MAPKAPK3: variants seen among roughly 807,000 people sequenced by gnomAD.
MAPKAPK3 encodes MAP kinase-activated protein kinase 3.
MAPKAPK3 carries 35 observed loss-of-function variants against 49.2 expected under a neutral mutation model. The observed-to-expected ratio is 0.71, with a 90% CI of 0.54 to 0.94. The LOEUF is 0.94. Among genes scored for constraint, MAPKAPK3 ranks in the 40% least tolerant of loss-of-function variants. The probability of loss-of-function intolerance (pLI) is 0.00; values close to 1 mark genes in which losing one functional copy is unlikely to be tolerated. For missense variants in MAPKAPK3, 398 were observed against 493.1 expected, an observed-to-expected ratio of 0.81 and a Z score of 1.83; for synonymous variants, 178 against 188.7, an observed-to-expected ratio of 0.94 and a Z score of 0.46.
chr3:50,646,411 C>G, intron 8 of MAPKAPK3, 147 bp downstream of exon 8: 1 of 1,125,874 alleles, frequency 8.9e-7, no homozygotes. Flanking sequence ...GTCCCCTAAC[C>G]TTCTTGAGCC....
chr3:50,636,173 C>T (rs2033037564), intron 2 of MAPKAPK3, among the ~76,000 whole-genome samples: 1 of 152,184 alleles, frequency 6.6e-6, no homozygotes, highest in Non-Finnish European at 1.5e-5. Flanking sequence ...TATCCCAGTA[C>T]TGGGACCTAG....
intron 2 of MAPKAPK3, among the ~76,000 whole-genome samples, chr3:50,625,629 A>G: frequency 6.6e-6 from 1 of 151,974 alleles, no homozygotes; most frequent in Non-Finnish European, 1.5e-5. Context: ...TTTTCTTTAG[A>G]CTAGGGCTTT....
intron 10 of MAPKAPK3, among the ~76,000 whole-genome samples, chr3:50,647,559 C>A (rs542096567): frequency 1.6e-4 from 25 of 152,382 alleles, no homozygotes; most frequent in African/African-American, 6.0e-4. Flanking sequence ...AATCTCCAGG[C>A]CCCAGTGCGC....
chr3:50,629,677 C>G lies in MAPKAPK3; in HGVS notation c.220-10689C>G, dbSNP rs1027331627. Among the ~76,000 whole-genome samples the G allele has an allele frequency of 5.9e-5, 9 of 152,188 alleles. No individual in the cohort carries two copies. In the East Asian group the frequency reaches 1.3e-3, roughly 23 times the overall value. ...GTCCCTGGTCTGGGGCACTGGGACC[C>G]TCTAGCACTCACGTTCCCACTGTTC... is the stretch of plus-strand genomic sequence containing the variant. On this transcript the variant is annotated intron_variant, in intron 2 of 10. Transcript: ENST00000621469.
chr3:50,642,318 C>T lies in MAPKAPK3; in HGVS notation c.490C>T (p.His164Tyr), dbSNP rs747984036. The T allele has an allele frequency of 1.9e-6, 3 of 1,612,582 alleles. No individual in the cohort carries two copies. The highest frequency in any genetic ancestry group is 3.3e-5 in the Admixed American group (2 of 60,012). Residue 164 changes from histidine (H) to tyrosine (Y), a missense_variant, in exon 5 of 11, where the codon CAC (histidine) becomes TAC (tyrosine). Coordinates refer to ENST00000621469, the MANE Select transcript of MAPKAPK3 (RefSeq NM_001243925.2). ...IQFLHSHNIA[H>Y]RDVKPENLLY... ...GTTTCTGCACAGCCATAACATTGCC[C>T]ACCGAGATGTCAAGGTGAGGCTCCA...
chr3:50,646,186 TC>T lies in MAPKAPK3; in HGVS notation c.755del (p.Pro252ArgfsTer3), dbSNP rs1203429444. ...CTACTCCAACACGGGCCAGGCCATC[TC>T]CCCGGGGATGAAGAGGAGGATTCGC... ...PFYSNTGQAI[S>X]PGMKRRIRLG... is the part of the protein sequence containing the mutation. On this transcript the variant is annotated frameshift_variant, in exon 8 of 11. Coordinates refer to ENST00000621469, the MANE Select transcript of MAPKAPK3 (RefSeq NM_001243925.2). LOFTEE classifies it high-confidence loss of function. The T allele has an allele frequency of 6.2e-7, 1 of 1,613,904 alleles. No individual in the cohort carries two copies. The highest frequency in any genetic ancestry group is 8.5e-7 in the Non-Finnish European group (1 of 1,180,002).
intron 4 of MAPKAPK3, 147 bp from the exon 5 acceptor site, chr3:50,642,106 C>T: frequency 1.5e-6 from 1 of 658,724 alleles, no homozygotes; most frequent in South Asian, 1.8e-5. Flanking sequence ...GCGTAGACAT[C>T]CCGGGATAGA....
chr3:50,624,048 T>G (rs1427561824), intron 2 of MAPKAPK3, among the ~76,000 whole-genome samples: 1 of 152,216 alleles, frequency 6.6e-6, no homozygotes, highest in Non-Finnish European at 1.5e-5. Context: ...GTGTGCCTTT[T>G]CCCAGGCCTT....
upstream of MAPKAPK3, among the ~76,000 whole-genome samples, chr3:50,616,264 C>A (rs1019395342): frequency 2.6e-5 from 4 of 152,094 alleles, no homozygotes; most frequent in Non-Finnish European, 5.9e-5. Context: ...GCCACAGCCA[C>A]CCTCCCTATG....
At chr3:50,637,225 T>A (rs2033062203) in intron 2 of MAPKAPK3, among the ~76,000 whole-genome samples, 1 of 152,166 alleles carries the variant, frequency 6.6e-6, no homozygotes, top group Non-Finnish European at 1.5e-5. Context: ...TCCCATCCTT[T>A]GTTTGCTCGG....
Position 50,647,954 on chromosome 3 carries a change from G to T in MAPKAPK3, c.1057G>T (p.Asp353Tyr). 1 of 1,614,004 alleles carries T rather than the reference G, an allele frequency of 6.2e-7. No individual in the cohort carries two copies. Among genetic ancestry groups the T allele is most frequent in the South Asian group, 1.1e-5 (1 of 91,084 alleles). ...AGACTACGACCAGGTGAAGATCAAG[G>T]ACCTGAAGACCTCTAACAACCGGCT... ...RVDYDQVKIKDLKTSNNRLLN... is the reference protein window; with the variant it reads ...RVDYDQVKIKYLKTSNNRLLN... The change falls in exon 11 of 11, where the codon GAC (aspartate) becomes TAC (tyrosine). Residue 353 changes from aspartate (D) to tyrosine (Y), a missense_variant. By Grantham distance (160) the Asp-to-Tyr change is radical. Transcript: ENST00000621469.
At chr3:50,644,263 A>T (rs952759697) in intron 5 of MAPKAPK3, 146 bp from the exon 6 acceptor site, 8 of 876,132 alleles carry the variant, frequency 9.1e-6, no homozygotes, top group Non-Finnish European at 1.4e-5. Context: ...GGCCCATGTT[A>T]GTGGGCAAGG....
upstream of MAPKAPK3, among the ~76,000 whole-genome samples, chr3:50,614,714 T>C (rs1300456910): frequency 6.6e-6 from 1 of 152,078 alleles, no homozygotes; most frequent in South Asian, 2.1e-4. Flanking sequence ...CTGCAGGTGG[T>C]TGCTGGAACA....
chr3:50,619,471 C>CT (rs1294812974), intron 2 of MAPKAPK3, among the ~76,000 whole-genome samples: 1 of 152,164 alleles, frequency 6.6e-6, no homozygotes, highest in Non-Finnish European at 1.5e-5. Flanking sequence ...ATGGGATTCT[C>CT]TGAGTCTTTT....
At chr3:50,636,141 T>C (rs1403706132) in intron 2 of MAPKAPK3, among the ~76,000 whole-genome samples, 1 of 152,072 alleles carries the variant, frequency 6.6e-6, no homozygotes, top group Non-Finnish European at 1.5e-5. Context: ...TTACCTGAGT[T>C]AGTGCTCTGT....
chr3:50,638,924 T>G (rs1207987445), intron 2 of MAPKAPK3, among the ~76,000 whole-genome samples: 1 of 152,208 alleles, frequency 6.6e-6, no homozygotes, highest in African/African-American at 2.4e-5. Flanking sequence ...CCTCCTCCAT[T>G]AGGAAACACA....
chr3:50,617,243 T>C lies in MAPKAPK3; in HGVS notation c.-53+2T>C, dbSNP rs1265669978. The stretch of plus-strand genomic sequence containing the variant: ...CTCAGCAAGGTGCGTTGCCGCCAGG[T>C]ACGCCCTCGCTGGGCCCCCTCTGCG... On this transcript the variant is annotated splice_donor_variant, in intron 1 of 10. Transcript: ENST00000621469. LOFTEE classifies it low-confidence loss of function (5UTR_SPLICE). 8.2e-6 allele frequency: 2 copies of C among 243,148 alleles called. No individual in the cohort carries two copies. The highest frequency in any genetic ancestry group is 1.6e-5 in the Non-Finnish European group (2 of 126,252). 15.1% of individuals were successfully genotyped at this position (243,148 alleles called of 1,614,324 possible).
chr3:50,648,191 A>G lies in MAPKAPK3; in HGVS notation c.*145A>G. 11 of 874,154 alleles carry G rather than the reference A, an allele frequency of 1.3e-5. No homozygotes were observed. Among genetic ancestry groups the G allele is most frequent in the Non-Finnish European group, 1.9e-5 (11 of 580,228 alleles). 54.1% of individuals were successfully genotyped at this position (874,154 alleles called of 1,614,324 possible). On this transcript the variant is annotated 3_prime_UTR_variant, in exon 11 of 11. Transcript: ENST00000621469. ...TTAATTTGTCACTCGGAACTTCAGG[A>G]TGGAGGACCCTGACCCTAAACCTCC...
intron 2 of MAPKAPK3, among the ~76,000 whole-genome samples, chr3:50,627,188 A>C (rs79730846): frequency 2.4e-5 from 3 of 123,294 alleles, no homozygotes; most frequent in Middle Eastern, 8.5e-3. Context: ...CCATCTCAAA[A>C]AAAAAAAAAA....
Sources: gnomAD v4.1 joint callset for allele counts (sites outside exome capture counted in the v4.1 genomes callset) on GRCh38, gnomAD v4.1.1 for gene constraint, MANE v1.5 for transcripts, NCBI Gene and HGNC (gene_info 2026-07-23, HGNC 2026-07-21) for gene names.